Variants in CATSPERT observed in about 807,000 individuals in gnomAD.
CATSPERT encodes the protein catsper channel auxiliary subunit tau.
the CATSPERT span, among the ~76,000 whole-genome samples, chr2:201,539,655 A>G: frequency 6.6e-6 from 1 of 151,588 alleles, no homozygotes; most frequent in East Asian, 1.9e-4. Context: ...TAATTTATAA[A>G]TGTTGTGTGT....
chr2:201,595,310 T>A, the CATSPERT span, among the ~76,000 whole-genome samples: 1 of 151,032 alleles, frequency 6.6e-6, no homozygotes, highest in African/African-American at 2.4e-5. Flanking sequence ...TGCCTCAGCC[T>A]CCCGAGTAGC....
At chr2:201,487,604 A>G in the CATSPERT span, 2 of 1,608,088 alleles carry the variant, frequency 1.2e-6, no homozygotes, top group East Asian at 4.5e-5. Context: ...CAAATGAGCG[A>G]ACATTTTTCA....
At chr2:201,540,709 A>G in the CATSPERT span, among the ~76,000 whole-genome samples, 2 of 152,250 alleles carry the variant, frequency 1.3e-5, no homozygotes, top group South Asian at 4.1e-4. Flanking sequence ...GTCTGAGGAC[A>G]TTAATGTTGC....
the CATSPERT span, among the ~76,000 whole-genome samples, chr2:201,503,301 C>A: frequency 6.6e-6 from 1 of 152,168 alleles, no homozygotes; most frequent in African/African-American, 2.4e-5. Flanking sequence ...CTATGTTGCT[C>A]AGTCTGGATT....
At chr2:201,590,314 C>A in the CATSPERT span, among the ~76,000 whole-genome samples, 1 of 145,222 alleles carries the variant, frequency 6.9e-6, no homozygotes, top group Non-Finnish European at 1.5e-5. Flanking sequence ...AGGACATGAA[C>A]TCATCATTTT....
chr2:201,551,742 T>TA, the CATSPERT span, among the ~76,000 whole-genome samples: 3 of 152,072 alleles, frequency 2.0e-5, no homozygotes, highest in African/African-American at 7.2e-5. Context: ...CCGTCTCTAC[T>TA]AAAAATACAA....
chr2:201,536,110 T>G, the CATSPERT span: 1 of 1,613,540 alleles, frequency 6.2e-7, no homozygotes, highest in South Asian at 1.1e-5. Context: ...TTCATTTTTC[T>G]GTCTGGCATG....
the CATSPERT span, chr2:201,491,942 A>G: frequency 1.3e-6 from 2 of 1,536,966 alleles, no homozygotes; most frequent in Admixed American, 2.0e-5. Flanking sequence ...AGTATTTCTG[A>G]TGACTTACTT....
chr2:201,610,457 CAA>C, the CATSPERT span, among the ~76,000 whole-genome samples: 617 of 134,082 alleles, frequency 4.6e-3, 1 homozygote, highest in African/African-American at 0.01. Context: ...GACTCCGTCT[CAA>C]AAAAAAAAAA....
At chr2:201,585,029 T>C in the CATSPERT span, among the ~76,000 whole-genome samples, 1 of 152,102 alleles carries the variant, frequency 6.6e-6, no homozygotes, top group Non-Finnish European at 1.5e-5. Flanking sequence ...AGCTAAGAGA[T>C]AGTGAAATAC....
the CATSPERT span, among the ~76,000 whole-genome samples, chr2:201,568,457 G>A: frequency 5.9e-5 from 9 of 152,152 alleles, no homozygotes; most frequent in African/African-American, 2.2e-4. Flanking sequence ...TTATTAGCAG[G>A]TATGGAGAAA....
At chr2:201,583,317 G>C in the CATSPERT span, among the ~76,000 whole-genome samples, 1 of 152,136 alleles carries the variant, frequency 6.6e-6, no homozygotes, top group African/African-American at 2.4e-5. Context: ...AAGGGCTACG[G>C]CTTCAGTGAA....
At chr2:201,553,537 T>A in the CATSPERT span, 3 of 152,186 alleles carry the variant, frequency 2.0e-5, no homozygotes, top group Non-Finnish European at 4.4e-5. Context: ...AAAACCAAAG[T>A]TTTTAGGTAA....
chr2:201,612,316 T>C, the CATSPERT span, among the ~76,000 whole-genome samples: 502 of 152,242 alleles, frequency 3.3e-3, 3 homozygotes, highest in African/African-American at 0.011. Context: ...GGCTCACACC[T>C]GTAATCCCAG....
At chr2:201,618,998 C>T in the CATSPERT span, 12 of 1,613,980 alleles carry the variant, frequency 7.4e-6, no homozygotes, top group African/African-American at 1.5e-4. Context: ...GCCTCCGACC[C>T]TTTAATGTGC....
the CATSPERT span, among the ~76,000 whole-genome samples, chr2:201,510,484 G>A: frequency 6.6e-6 from 1 of 152,034 alleles, no homozygotes; most frequent in Non-Finnish European, 1.5e-5. Flanking sequence ...AGAACACCCT[G>A]TCTTAATATT....
the CATSPERT span, among the ~76,000 whole-genome samples, chr2:201,495,444 T>A: frequency 6.6e-6 from 1 of 152,138 alleles, no homozygotes; most frequent in Non-Finnish European, 1.5e-5. Flanking sequence ...GCTTTTTAGC[T>A]CTGGGATCAA....
chr2:201,591,076 G>A, the CATSPERT span, among the ~76,000 whole-genome samples: 1 of 152,160 alleles, frequency 6.6e-6, no homozygotes, highest in Non-Finnish European at 1.5e-5. Flanking sequence ...TGTCCTGAAT[G>A]GTAATGCCTA....
At chr2:201,600,517 A>G in the CATSPERT span, among the ~76,000 whole-genome samples, 1 of 152,262 alleles carries the variant, frequency 6.6e-6, no homozygotes, top group South Asian at 2.1e-4. Context: ...GCAAGCCAAC[A>G]TGGCACATAT....
Sources: allele counts gnomAD v4.1 joint callset (sites outside exome capture counted in the v4.1 genomes callset), GRCh38; gene constraint gnomAD v4.1.1; transcripts MANE v1.5; gene names NCBI Gene and HGNC (gene_info 2026-07-23, HGNC 2026-07-21).